Variants in STAB1 observed in about 807,000 individuals in gnomAD.
The protein encoded by STAB1 is stabilin 1, also known as stabilin-1.
In STAB1, 250 loss-of-function variants were observed where a neutral mutation model predicts 332.4. The ratio of observed to expected loss-of-function variants is 0.75; its 90% confidence interval spans 0.68 to 0.84. The LOEUF is 0.84. Ranked by LOEUF, STAB1 falls within the 40% of genes least tolerant of loss-of-function variation. The pLI, the probability that STAB1 is intolerant of heterozygous loss-of-function variation, is 0.00. For synonymous variants in STAB1, 1,475 were observed against 1,390.4 expected (o/e 1.06, Z -1.35); for missense variants, 3,249 against 3,489.7 (o/e 0.93, Z 1.74).
intron 26 of STAB1, 98 bp from the exon 27 acceptor site, chr3:52,512,243 G>A: frequency 4.3e-6 from 5 of 1,159,446 alleles, no homozygotes; most frequent in South Asian, 3.7e-5. Flanking sequence ...AGGGGCAGGG[G>A]CTGGGGCTGG....
intron 50 of STAB1, 116 bp downstream of exon 50, chr3:52,519,680 G>A: frequency 1.4e-6 from 2 of 1,443,902 alleles, no homozygotes; most frequent in Non-Finnish European, 1.9e-6. Context: ...TCCCGTGTGA[G>A]CCTGTGTGAA....
chr3:52,503,863 G>T lies in STAB1; in HGVS notation c.983G>T (p.Arg328Leu), dbSNP rs140679923. 3 of 1,613,156 alleles carry T rather than the reference G, an allele frequency of 1.9e-6. No individual in the cohort carries two copies. The highest frequency in any genetic ancestry group is 2.5e-6 in the Non-Finnish European group (3 of 1,180,006). ...TTCTGCTCCCCCTTCTCCTGCGACC[G>T]GTCTGCCACTTGCCAGGTGACCGCT... ...FAFCSPFSCD[R>L]SATCQVTADG... Residue 328 changes from arginine to leucine, a missense_variant, in exon 9 of 69, where the codon CGG becomes CTG. Physicochemically the swap from Arg to Leu is moderately radical, Grantham distance 102 (BLOSUM62 -2). Transcript: ENST00000321725.
intron 3 of STAB1, 60 bp downstream of exon 3, chr3:52,501,813 C>A (rs1328544131): frequency 2.7e-6 from 4 of 1,498,922 alleles, no homozygotes; most frequent in Non-Finnish European, 3.6e-6. Flanking sequence ...TCTGGGCAAG[C>A]CCTCTGCAGG....
chr3:52,519,975 C>T lies in STAB1; in HGVS notation c.5267C>T (p.Ala1756Val). The T allele has an allele frequency of 6.3e-7, 1 of 1,596,014 alleles. No individual in the cohort carries two copies. The highest frequency in any genetic ancestry group is 8.5e-7 in the Non-Finnish European group (1 of 1,170,694). ...GGCCTCCTGCCCCTGCTTCGAGAGG[C>T]ATCCCATAGGCCCTTCACAATGCTG... ...VAGLLPLLREASHRPFTMLWP... is the reference protein window; with the variant it reads ...VAGLLPLLREVSHRPFTMLWP... Residue 1756 changes from alanine to valine, a missense_variant, in exon 51 of 69, where the codon GCA becomes GTA. Ala to Val is a moderately conservative substitution (Grantham distance 64). Coordinates refer to ENST00000321725, the MANE Select transcript of STAB1 (RefSeq NM_015136.3).
rs2078899274 is a variant in STAB1, at chr3:52,517,220, G to A, written c.4490-100G>A. ...GCACATGGGACTTGTGGGGACTGGG[G>A]GCGCTGAGAGAGGAGGGGGTGGGAC... On this transcript the variant is annotated intron_variant, in intron 42 of 68. Coordinates refer to ENST00000321725, the MANE Select transcript of STAB1 (RefSeq NM_015136.3). The A allele has an allele frequency of 4.7e-6, 7 of 1,500,622 alleles. No homozygotes were observed. The South Asian group carries it at 5.4e-5, about 12-fold the overall frequency. The allele number at this position is 1,500,622 out of a possible 1,614,324, so 93.0% of individuals were successfully genotyped here.
At position 52,522,346 on chromosome 3, in the gene STAB1, A is replaced by T; in HGVS notation, c.6482A>T (p.Glu2161Val). The T allele has an allele frequency of 6.2e-7, 1 of 1,613,012 alleles. No individual in the cohort carries two copies. ...LSTGLNTRRCECHAGYVGDGL... is the reference protein window; with the variant it reads ...LSTGLNTRRCVCHAGYVGDGL... ...CAACCCCAGAACACACGGCGCTGTG[A>T]GTGCCACGCAGGCTACGTAGGCGAT... is the stretch of plus-strand genomic sequence containing the variant. Residue 2161 changes from glutamate (E) to valine (V), a missense_variant, in exon 60 of 69, where the codon GAG (glutamate) becomes GTG (valine). By Grantham distance (121) the Glu-to-Val change is moderately radical. Transcript: ENST00000321725.
Position 52,522,656 on chromosome 3 carries a change from G to T in STAB1, c.6712G>T (p.Ala2238Ser). The T allele has an allele frequency of 6.2e-7, 1 of 1,612,896 alleles. No homozygotes were observed. The highest frequency in any genetic ancestry group is 8.5e-7 in the Non-Finnish European group (1 of 1,179,996). ...ATGCGAAGCACAGGGAGCCGTCCTTGCTTCATTCCCTCAGCTCTCTGCTGC... is the reference window on the plus strand; with the variant it reads ...ATGCGAAGCACAGGGAGCCGTCCTTTCTTCATTCCCTCAGCTCTCTGCTGC... ...AACEAQGAVL[A>S]SFPQLSAAQQ... is the part of the protein sequence containing the mutation. The change falls in exon 61 of 69, where the codon GCT becomes TCT. Residue 2238 changes from alanine to serine, a missense_variant. Transcript: ENST00000321725.
intron 44 of STAB1, 111 bp from the exon 45 acceptor site, chr3:52,517,770 A>C (rs2078923217): frequency 5.7e-6 from 9 of 1,582,342 alleles, no homozygotes; most frequent in Non-Finnish European, 7.7e-6. Flanking sequence ...ATCAGTAGCA[A>C]ATAGGATCTG....
Position 52,521,433 on chromosome 3 carries a change from A to G in STAB1, c.5981A>G (p.Gln1994Arg). The G allele has an allele frequency of 1.2e-6, 2 of 1,613,996 alleles. No individual in the cohort carries two copies. The highest frequency in any genetic ancestry group is 1.7e-6 in the Non-Finnish European group (2 of 1,180,018). Residue 1994 changes from glutamine to arginine, a missense_variant, in exon 56 of 69, where the codon CAG (glutamine) becomes CGG (arginine). Physicochemically the swap from Gln to Arg is conservative, Grantham distance 43. Transcript: ENST00000321725. Reference sequence around the variant, plus strand: ...ATGGACGGCATGAGTGGCAGTGGGCAGTGTCTGTGCCGTTCAGGTTTTGCT... The same window carrying G: ...ATGGACGGCATGAGTGGCAGTGGGCGGTGTCTGTGCCGTTCAGGTTTTGCT... ...VCMDGMSGSG[Q>R]CLCRSGFAGT... is the part of the protein sequence containing the mutation.
chr3:52,505,673 T>G lies in STAB1; in HGVS notation c.1587T>G (p.Cys529Trp). The change falls in exon 15 of 69, where the codon TGT becomes TGG. Residue 529 changes from cysteine (C) to tryptophan (W), a missense_variant. Physicochemically the swap from Cys to Trp is radical, Grantham distance 215 (BLOSUM62 -2). Coordinates refer to ENST00000321725, the MANE Select transcript of STAB1 (RefSeq NM_015136.3). ...FSRFETILENCGLPSILDGPG... is the reference protein window; with the variant it reads ...FSRFETILENWGLPSILDGPG... ...CCTCCCTTGCACCACCACAGAACTG[T>G]GGGCTGCCCTCCATCCTGGACGGAC... is the stretch of plus-strand genomic sequence containing the variant. 5 of 1,613,420 alleles carry G rather than the reference T, an allele frequency of 3.1e-6. No individual in the cohort carries two copies. Among genetic ancestry groups the G allele is most frequent in the Non-Finnish European group, 4.2e-6 (5 of 1,180,008 alleles).
In STAB1 at chr3:52,513,892, C is replaced by T; in HGVS notation, c.3358C>T (p.Pro1120Ser). 3 of 1,603,884 alleles carry T rather than the reference C, an allele frequency of 1.9e-6. No individual in the cohort carries two copies. The highest frequency in any genetic ancestry group is 1.1e-5 in the South Asian group (1 of 90,418). ...VLHILSQVLL[P>S]PRGDVPGGQG... ...CTGTGCTCTGTACCAGGTCTTACTG[C>T]CCCCCCGAGGGGATGTGCCCGGTGG... Residue 1120 changes from proline to serine, a missense_variant, in exon 32 of 69, where the codon CCC becomes TCC. Pro to Ser is a moderately conservative substitution (Grantham distance 74). Coordinates refer to ENST00000321725, the MANE Select transcript of STAB1 (RefSeq NM_015136.3).
In STAB1 at chr3:52,498,433, C is replaced by T. The variant is rs137987783; in HGVS notation, c.79-2733C>T. Reference sequence around the variant, plus strand: ...CCGATGCTCCTTCCAGGCCATGGGGCGGAGGCAGGGCCCCTCGGCTGTGGT... The same window carrying T: ...CCGATGCTCCTTCCAGGCCATGGGGTGGAGGCAGGGCCCCTCGGCTGTGGT... On this transcript the variant is annotated intron_variant, in intron 1 of 68. Coordinates refer to ENST00000321725, the MANE Select transcript of STAB1 (RefSeq NM_015136.3). Among the ~76,000 whole-genome samples the T allele has an allele frequency of 5.3e-3, 810 of 152,322 alleles. 6 individuals carry two copies. The highest frequency in any genetic ancestry group is 0.018 in the African/African-American group (758 of 41,568).
Position 52,520,067 on chromosome 3 carries a change from C to A in STAB1, c.5359C>A (p.His1787Asn), listed in dbSNP as rs2079021244. The A allele has an allele frequency of 6.2e-7, 1 of 1,612,570 alleles. No homozygotes were observed. The highest frequency in any genetic ancestry group is 8.5e-7 in the Non-Finnish European group (1 of 1,179,774). ...DRQAWLYHED[H>N]RDKLAAILRG... ...CCAGGCCTGGCTGTACCATGAGGAC[C>A]ACCGTGACAAGCTAGCAGCCATTCT... The change falls in exon 51 of 69, where the codon CAC becomes AAC. Residue 1787 changes from histidine to asparagine, a missense_variant. Coordinates refer to ENST00000321725, the MANE Select transcript of STAB1 (RefSeq NM_015136.3).
intron 1 of STAB1, among the ~76,000 whole-genome samples, chr3:52,496,877 C>T (rs1310611785): frequency 6.6e-6 from 1 of 152,210 alleles, no homozygotes; most frequent in Non-Finnish European, 1.5e-5. Flanking sequence ...ATCCCAGCAC[C>T]CTGCATAGCC....
chr3:52,503,631 C>G, intron 8 of STAB1, 91 bp downstream of exon 8: 1 of 1,563,102 alleles, frequency 6.4e-7, no homozygotes, highest in Non-Finnish European at 8.7e-7. Context: ...TTCTGGTAGC[C>G]TCAGTTTCCC....
chr3:52,520,776 C>T, intron 54 of STAB1, 28 bp from the exon 55 acceptor site: 1 of 1,612,736 alleles, frequency 6.2e-7, no homozygotes, highest in Non-Finnish European at 8.5e-7. Flanking sequence ...CAGAACCACC[C>T]AACTGCGGCC....
intron 60 of STAB1, 26 bp from the exon 61 acceptor site, chr3:52,522,529 T>C (rs763774422): frequency 1.9e-6 from 3 of 1,613,074 alleles, no homozygotes; most frequent in East Asian, 4.5e-5. Flanking sequence ...GCCGGCCAGC[T>C]GACCATGCAC....
At position 52,520,462 on chromosome 3, in the gene STAB1, T is replaced by A; in HGVS notation, c.5562T>A (p.Gly1854=). The A allele has an allele frequency of 6.2e-7, 1 of 1,612,770 alleles. No homozygotes were observed. The highest frequency in any genetic ancestry group is 8.5e-7 in the Non-Finnish European group (1 of 1,179,892). ...TGCAGCGGCACTTGCCCTTTGAGGG[T>A]GGCCTGGCCTATGGCATCGACCAGC... ...RIVQRHLPFE[G]GLAYGIDQLL... is the part of the protein sequence containing the mutation. The change falls in exon 53 of 69, where the codon GGT becomes GGA. Residue 1854 remains glycine (G), a synonymous_variant. Coordinates refer to ENST00000321725, the MANE Select transcript of STAB1 (RefSeq NM_015136.3).
chr3:52,509,608 G>C (rs1709141407), intron 22 of STAB1: 2 of 594,980 alleles, frequency 3.4e-6, no homozygotes, highest in Non-Finnish European at 6.0e-6. Context: ...AAGTATGCGG[G>C]ACTTAGGTCA....
Sources: allele counts gnomAD v4.1 joint callset (sites outside exome capture counted in the v4.1 genomes callset), GRCh38; gene constraint gnomAD v4.1.1; transcripts MANE v1.5; gene names NCBI Gene and HGNC (gene_info 2026-07-23, HGNC 2026-07-21).